The following ARIH1 variants were observed in gnomAD, a reference collection of about 807,000 sequenced individuals.
The protein encoded by ARIH1 is E3 ubiquitin-protein ligase ARIH1.
A neutral mutation model predicts 85.0 loss-of-function variants in ARIH1; 8 were observed. The observed-to-expected ratio is 0.09, with a 90% CI of 0.06 to 0.17. The LOEUF (loss-of-function observed/expected upper bound fraction) is 0.17. Among genes scored for constraint, ARIH1 ranks in the 10% least tolerant of loss-of-function variants. ARIH1 has a pLI of 1.00. For synonymous variants in ARIH1, 238 were observed against 253.6 expected, an observed-to-expected ratio of 0.94 and a Z score of 0.59; for missense variants, 311 against 718.1, an observed-to-expected ratio of 0.43 and a Z score of 6.48.
intron 1 of ARIH1, among the ~76,000 whole-genome samples, chr15:72,475,791 G>A (rs1451562491): frequency 1.3e-5 from 2 of 152,192 alleles, no homozygotes; most frequent in African/African-American, 4.8e-5. Context: ...TTGTGAGTTA[G>A]AAAGCAGAGG....
intron 2 of ARIH1, among the ~76,000 whole-genome samples, chr15:72,540,384 A>G (rs1211755882): frequency 1.3e-5 from 2 of 152,076 alleles, no homozygotes; most frequent in Non-Finnish European, 2.9e-5. Context: ...AGTTTTATAA[A>G]TTAAGAAATG....
intron 1 of ARIH1, among the ~76,000 whole-genome samples, chr15:72,490,219 G>T (rs992243463): frequency 4.6e-5 from 7 of 150,796 alleles, no homozygotes; most frequent in African/African-American, 1.7e-4. Context: ...TGTTTTTCAG[G>T]GAATGCTGAA....
At chr15:72,531,856 C>G (rs1009831183) in intron 2 of ARIH1, among the ~76,000 whole-genome samples, 1 of 152,038 alleles carries the variant, frequency 6.6e-6, no homozygotes, top group African/African-American at 2.4e-5. Context: ...GCTTTTGTAT[C>G]TTTTTAAAGC....
Position 72,525,869 on chromosome 15 carries a change from A to C in ARIH1, c.443+7735A>C, listed in dbSNP as rs1324161489. Among the ~76,000 whole-genome samples, 3 of 151,616 alleles carry C rather than the reference A, an allele frequency of 2.0e-5. No individual in the cohort carries two copies. In the East Asian group the frequency reaches 5.8e-4, roughly 29 times the overall value. On this transcript the variant is annotated intron_variant, in intron 2 of 13. Coordinates refer to ENST00000379887, the MANE Select transcript of ARIH1 (RefSeq NM_005744.5). ...TTGTCCAGGCTGGTCTCAAACTCCT[A>C]GACACAAGCGATCCTCTCACCTCAG... is the stretch of plus-strand genomic sequence containing the variant.
intron 2 of ARIH1, among the ~76,000 whole-genome samples, chr15:72,533,286 A>G (rs1466159868): frequency 3.3e-5 from 5 of 152,108 alleles, no homozygotes; most frequent in African/African-American, 1.2e-4. Flanking sequence ...CATGCCCCCA[A>G]GCACAGCTGA....
chr15:72,475,660 T>C (rs184750643), intron 1 of ARIH1, among the ~76,000 whole-genome samples: 104 of 152,332 alleles, frequency 6.8e-4, no homozygotes, highest in African/African-American at 2.4e-3. Context: ...TTGCTACTTT[T>C]TCTAGTCGTA....
rs952594601 is a variant in ARIH1, at chr15:72,597,130, G to A, written c.*13838G>A. 1 of 148,426 alleles carries A rather than the reference G, an allele frequency of 6.7e-6. No homozygotes were observed. The allele number at this position is 148,426 out of a possible 1,614,324, so 9.2% of individuals were successfully genotyped here. ...TTTATGTTGAAAAAAAAAAGAAATT[G>A]AAGAAAATGTTTACTTCCAAAACAG... is the stretch of plus-strand genomic sequence containing the variant. On this transcript the variant is annotated 3_prime_UTR_variant, in exon 14 of 14. Transcript: ENST00000379887.
At chr15:72,483,758 A>G (rs1304934025) in intron 1 of ARIH1, among the ~76,000 whole-genome samples, 1 of 151,560 alleles carries the variant, frequency 6.6e-6, no homozygotes, top group Non-Finnish European at 1.5e-5. Context: ...AATAGCTTGT[A>G]GTCTCAGAAT....
In ARIH1 at chr15:72,474,371, T is replaced by C. The variant is rs553510646; in HGVS notation, c.-269T>C. The C allele has an allele frequency of 1.2e-4, 54 of 465,606 alleles. No individual in the cohort carries two copies. The East Asian group carries it at 2.5e-3, about 21-fold the overall frequency. 28.8% of individuals were successfully genotyped at this position (465,606 alleles called of 1,614,324 possible). ...GCCGTGGAGGTGGCGTTGGGGACTGTTTTCTCTCGGAGGCCGGAGCGGAGC... is the reference window on the plus strand; with the variant it reads ...GCCGTGGAGGTGGCGTTGGGGACTGCTTTCTCTCGGAGGCCGGAGCGGAGC... On this transcript the variant is annotated 5_prime_UTR_variant, in exon 1 of 14. Transcript: ENST00000379887.
At chr15:72,521,492 T>C (rs183344054) in intron 2 of ARIH1, among the ~76,000 whole-genome samples, 7 of 152,260 alleles carry the variant, frequency 4.6e-5, no homozygotes, top group African/African-American at 1.7e-4. Context: ...TCTTGATGCT[T>C]TCTGGAATTC....
chr15:72,592,975 A>T lies in ARIH1; in HGVS notation c.*9683A>T, dbSNP rs1237096914. 1 of 152,182 alleles carries T rather than the reference A, an allele frequency of 6.6e-6. No individual in the cohort carries two copies. Among genetic ancestry groups the T allele is most frequent in the African/African-American group, 2.4e-5 (1 of 41,444 alleles). The allele number at this position is 152,182 out of a possible 1,614,324, so 9.4% of individuals were successfully genotyped here. On this transcript the variant is annotated 3_prime_UTR_variant, in exon 14 of 14. Transcript: ENST00000379887. ...TGGGTCATATGGTAAGTGCATGTTT[A>T]TAAGAAACTGCCCTCTTATTCTCCA...
rs1245745414 is a variant in ARIH1, at chr15:72,583,629, C to G, written c.*337C>G. The G allele has an allele frequency of 1.0e-5, 2 of 193,302 alleles. No homozygotes were observed. The highest frequency in any genetic ancestry group is 2.1e-5 in the Non-Finnish European group (2 of 94,090). The allele number at this position is 193,302 out of a possible 1,614,324, so 12.0% of individuals were successfully genotyped here. ...AGTGTAGTACAGTTAAAATTTCAAA[C>G]AGCTCCTTGACACTGCTTTTCATGT... On this transcript the variant is annotated 3_prime_UTR_variant, in exon 14 of 14. Coordinates refer to ENST00000379887, the MANE Select transcript of ARIH1 (RefSeq NM_005744.5).
intron 1 of ARIH1, among the ~76,000 whole-genome samples, chr15:72,505,786 A>C (rs1442910008): frequency 6.6e-6 from 1 of 152,054 alleles, no homozygotes; most frequent in Non-Finnish European, 1.5e-5. Context: ...CCAGAGGTGG[A>C]GTGCAGTGGT....
At chr15:72,576,774 C>G (rs1232169950) in intron 11 of ARIH1, among the ~76,000 whole-genome samples, 1 of 151,952 alleles carries the variant, frequency 6.6e-6, no homozygotes, top group Non-Finnish European at 1.5e-5. Flanking sequence ...CTTTACATAA[C>G]TGTAATACCA....
At chr15:72,576,958 A>C (rs2064274095) in intron 11 of ARIH1, among the ~76,000 whole-genome samples, 1 of 151,934 alleles carries the variant, frequency 6.6e-6, no homozygotes, top group African/African-American at 2.4e-5. Context: ...TTTGTATGTT[A>C]CATGTTTTAT....
chr15:72,481,337 A>G (rs1242376174), intron 1 of ARIH1, among the ~76,000 whole-genome samples: 1 of 152,170 alleles, frequency 6.6e-6, no homozygotes, highest in Non-Finnish European at 1.5e-5. Flanking sequence ...ATTTAATAGC[A>G]GTGTTTCTCT....
intron 2 of ARIH1, among the ~76,000 whole-genome samples, chr15:72,527,003 C>T (rs1240049824): frequency 1.3e-5 from 2 of 151,984 alleles, no homozygotes; most frequent in Non-Finnish European, 2.9e-5. Flanking sequence ...ACAGCAACAA[C>T]TGTTATCTGT....
intron 1 of ARIH1, among the ~76,000 whole-genome samples, chr15:72,477,603 C>T (rs2063799683): frequency 6.6e-6 from 1 of 152,048 alleles, no homozygotes; most frequent in African/African-American, 2.4e-5. Context: ...TGGATATTTG[C>T]AGGTTAGGTT....
At chr15:72,534,709 A>G (rs1390912223) in intron 2 of ARIH1, among the ~76,000 whole-genome samples, 1 of 152,086 alleles carries the variant, frequency 6.6e-6, no homozygotes, top group Non-Finnish European at 1.5e-5. Context: ...CTGCCACATC[A>G]AAGCCATACT....
Sources: gnomAD v4.1 joint callset for allele counts (sites outside exome capture counted in the v4.1 genomes callset) on GRCh38, gnomAD v4.1.1 for gene constraint, MANE v1.5 for transcripts, NCBI Gene and HGNC (gene_info 2026-07-23, HGNC 2026-07-21) for gene names.